The following FYN variants were observed in gnomAD, a reference collection of about 807,000 sequenced individuals.
The protein encoded by FYN is tyrosine-protein kinase Fyn.
FYN carries 10 observed loss-of-function variants against 70.2 expected under a neutral mutation model. The ratio of observed to expected loss-of-function variants is 0.14; its 90% CI spans 0.09 to 0.24. FYN has a LOEUF of 0.24. Among genes scored for constraint, FYN ranks in the 10% least tolerant of loss-of-function variants. FYN has a pLI of 1.00. For synonymous variants in FYN, 236 were observed against 248.6 expected, an observed-to-expected ratio of 0.95 and a Z score of 0.48; for missense variants, 319 against 673.1, an observed-to-expected ratio of 0.47 and a Z score of 5.82.
At chr6:111,864,962 C>T (rs1480310174) in intron 1 of FYN, among the ~76,000 whole-genome samples, 2 of 152,088 alleles carry the variant, frequency 1.3e-5, no homozygotes, top group African/African-American at 2.4e-5. Flanking sequence ...CACATGCCTC[C>T]GAGTTCAATA....
intron 3 of FYN, among the ~76,000 whole-genome samples, chr6:111,751,711 T>A (rs1802497552): frequency 6.6e-6 from 1 of 152,056 alleles, no homozygotes; most frequent in Admixed American, 6.6e-5. Flanking sequence ...AGCCTCAACC[T>A]CCTGGGCTCA....
chr6:111,835,693 A>G (rs945026811), intron 2 of FYN, among the ~76,000 whole-genome samples: 1 of 152,206 alleles, frequency 6.6e-6, no homozygotes, highest in African/African-American at 2.4e-5. Context: ...GGGTGTCTGT[A>G]ATGAGCTAGA....
chr6:111,694,762 A>G lies in FYN; in HGVS notation c.1043-58T>C, dbSNP rs1202069027. On this transcript the variant is annotated intron_variant, in intron 10 of 13. Coordinates refer to ENST00000354650, the MANE Select transcript of FYN (RefSeq NM_002037.5). The surrounding 1 kb of genome is among the most constrained non-coding windows in gnomAD (Gnocchi z 5.0). ...CTTTGAAAGATAATTCCCAACAGAG[A>G]GCTGTATTTGGTTTTCTTATTAAAA... is the stretch of plus-strand genomic sequence containing the variant. The G allele has an allele frequency of 3.4e-6, 5 of 1,454,596 alleles. No homozygotes were observed. Among genetic ancestry groups the G allele is most frequent in the Non-Finnish European group, 4.8e-6 (5 of 1,050,246 alleles). 90.1% of individuals were successfully genotyped at this position (1,454,596 alleles called of 1,614,324 possible).
At chr6:111,699,635 TCA>T (rs1422563470) in intron 9 of FYN, 1 of 1,613,884 alleles carries the variant, frequency 6.2e-7, no homozygotes, top group Admixed American at 1.7e-5. Context: ...CTCGATGCAA[TCA>T]CAGTTAAGTT....
chr6:111,840,583 G>A (rs7775711), intron 2 of FYN, among the ~76,000 whole-genome samples: 46,726 of 152,112 alleles, frequency 0.31, 11,724 homozygotes, highest in African/African-American at 0.7. Flanking sequence ...AATTTGTGAC[G>A]GCAGGCACAG....
rs1233979725 is a variant in FYN, at chr6:111,704,113, G to C, written c.444-11C>G. 2 of 1,604,962 alleles carry C rather than the reference G, an allele frequency of 1.2e-6. No individual in the cohort carries two copies. Among genetic ancestry groups the C allele is most frequent in the East Asian group, 2.2e-5 (1 of 44,828 alleles). On this transcript the variant is annotated splice_polypyrimidine_tract_variant and intron_variant, in intron 6 of 13. Transcript: ENST00000354650. Reference sequence around the variant, plus strand: ...TTTCCAAAGTACCACCTTTAAATTAGATCAAGGAAAGAAAATATTTTGAAA... The same window carrying C: ...TTTCCAAAGTACCACCTTTAAATTACATCAAGGAAAGAAAATATTTTGAAA...
chr6:111,795,957 C>T (rs1771791357), intron 2 of FYN, among the ~76,000 whole-genome samples: 1 of 152,152 alleles, frequency 6.6e-6, no homozygotes, highest in Non-Finnish European at 1.5e-5. Flanking sequence ...ATAATAATAG[C>T]TAACATTTAC....
At chr6:111,722,819 AAT>A (rs2128464382) in intron 3 of FYN, among the ~76,000 whole-genome samples, 1 of 152,356 alleles carries the variant, frequency 6.6e-6, no homozygotes, top group South Asian at 2.1e-4. Context: ...CCCAAATGTT[AAT>A]AGTGTCAAGG....
At chr6:111,825,206 T>C (rs1271091408) in intron 2 of FYN, among the ~76,000 whole-genome samples, 1 of 152,210 alleles carries the variant, frequency 6.6e-6, no homozygotes, top group African/African-American at 2.4e-5. Flanking sequence ...AAGCCCTTTG[T>C]GGGAGGCACC....
At chr6:111,762,318 A>G (rs2128494367) in intron 3 of FYN, among the ~76,000 whole-genome samples, 1 of 152,314 alleles carries the variant, frequency 6.6e-6, no homozygotes, top group Non-Finnish European at 1.5e-5. Flanking sequence ...AGTAATGTCT[A>G]TTTTATTGTA....
At chr6:111,823,229 G>A (rs1005981318) in intron 2 of FYN, among the ~76,000 whole-genome samples, 6 of 152,334 alleles carry the variant, frequency 3.9e-5, no homozygotes, top group African/African-American at 1.2e-4. Flanking sequence ...ACAGGGAACC[G>A]AACGGAGGAC....
chr6:111,686,258 T>C (rs1267487667), intron 12 of FYN, among the ~76,000 whole-genome samples: 1 of 152,036 alleles, frequency 6.6e-6, no homozygotes, highest in Non-Finnish European at 1.5e-5. Context: ...GCTCAGAGCT[T>C]GAAGCGACAG....
chr6:111,849,639 G>A (rs1012803782), intron 1 of FYN, among the ~76,000 whole-genome samples: 13 of 152,164 alleles, frequency 8.5e-5, no homozygotes, highest in African/African-American at 3.1e-4. Context: ...AGCTAAGAAG[G>A]CAGCCAGAAG....
intron 2 of FYN, among the ~76,000 whole-genome samples, chr6:111,833,773 TA>T (rs1773095449): frequency 6.6e-6 from 1 of 152,224 alleles, no homozygotes; most frequent in African/African-American, 2.4e-5. Context: ...AATTTGCTAT[TA>T]TTCAGCAAAG....
At chr6:111,826,941 G>C (rs181017503) in intron 2 of FYN, among the ~76,000 whole-genome samples, 67 of 152,294 alleles carry the variant, frequency 4.4e-4, no homozygotes, top group Admixed American at 1.4e-3. Flanking sequence ...GGGACCTTTA[G>C]AGATGAGAAA....
intron 2 of FYN, among the ~76,000 whole-genome samples, chr6:111,782,010 T>A (rs1771192996): frequency 6.6e-6 from 1 of 152,200 alleles, no homozygotes; most frequent in African/African-American, 2.4e-5. Context: ...CGATTTCAGA[T>A]AAGGGTTAGA....
At chr6:111,826,643 T>C (rs923921895) in intron 2 of FYN, among the ~76,000 whole-genome samples, 9 of 152,210 alleles carry the variant, frequency 5.9e-5, no homozygotes, top group Non-Finnish European at 1.3e-4. Context: ...AATTGCACTC[T>C]TGCTTGCATT....
At chr6:111,673,618 CATT>C (rs1305017788) in intron 13 of FYN, among the ~76,000 whole-genome samples, 3 of 62,294 alleles carry the variant, frequency 4.8e-5, no homozygotes, top group African/African-American at 1.2e-4. Context: ...TCGTTTCTAT[CATT>C]GTTTTTTTTT....
chr6:111,765,713 G>T (rs1188524232), intron 3 of FYN, among the ~76,000 whole-genome samples: 1 of 151,930 alleles, frequency 6.6e-6, no homozygotes, highest in Non-Finnish European at 1.5e-5. Context: ...TAGCCTGATG[G>T]ACTAGGAAGA....
Sources: gnomAD v4.1 joint callset for allele counts (sites outside exome capture counted in the v4.1 genomes callset) on GRCh38, gnomAD v4.1.1 for gene constraint, Gnocchi (gnomAD v3.1) non-coding constraint, MANE v1.5 for transcripts, NCBI Gene and HGNC (gene_info 2026-07-23, HGNC 2026-07-21) for gene names.